The following DLGAP1 variants were observed in gnomAD, a reference collection of about 807,000 sequenced individuals.
DLGAP1 encodes disks large-associated protein 1.
In DLGAP1, 11 loss-of-function variants were observed where a neutral mutation model predicts 90.8. The ratio of observed to expected loss-of-function variants is 0.12; its 90% CI spans 0.08 to 0.20. DLGAP1 has a LOEUF of 0.20. Among genes scored for constraint, DLGAP1 ranks in the 10% least tolerant of loss-of-function variants. The probability of loss-of-function intolerance (pLI) is 1.00; values close to 1 mark genes in which losing one functional copy is unlikely to be tolerated. For missense variants in DLGAP1, 1,050 were observed against 1,333.8 expected (o/e 0.79, Z 3.31); for synonymous variants, 558 against 540.7 (o/e 1.03, Z -0.44).
intron 3 of DLGAP1, among the ~76,000 whole-genome samples, chr18:3,926,651 T>G (rs1310784800): frequency 6.6e-6 from 1 of 151,566 alleles, no homozygotes. Context: ...TATATATCTA[T>G]AGGTATAAAT....
intron 2 of DLGAP1, among the ~76,000 whole-genome samples, chr18:4,121,096 G>A (rs1230451591): frequency 6.6e-6 from 1 of 152,180 alleles, no homozygotes; most frequent in East Asian, 1.9e-4. Flanking sequence ...TAGAGTGGGG[G>A]TGCAAGTTGG....
At chr18:3,750,951 C>T (rs2063472296) in intron 5 of DLGAP1, among the ~76,000 whole-genome samples, 1 of 152,162 alleles carries the variant, frequency 6.6e-6, no homozygotes. Flanking sequence ...AGACTAAAGT[C>T]CTCCATCTGT....
At chr18:4,120,744 CTCCG>C (rs374993476) in intron 2 of DLGAP1, among the ~76,000 whole-genome samples, 99 of 151,820 alleles carry the variant, frequency 6.5e-4, no homozygotes, top group Middle Eastern at 3.4e-3. Context: ...TTCTCCCTCC[CTCCG>C]TCCTGCCATC....
intron 1 of DLGAP1, among the ~76,000 whole-genome samples, chr18:4,355,638 G>A (rs970202816): frequency 1.8e-4 from 27 of 151,504 alleles, no homozygotes; most frequent in Admixed American, 1.8e-3. Flanking sequence ...AGTGACTTCT[G>A]TAGATGGTGC....
chr18:3,694,030 A>C (rs2060993712), intron 7 of DLGAP1, among the ~76,000 whole-genome samples: 2 of 136,396 alleles, frequency 1.5e-5, no homozygotes, highest in African/African-American at 5.8e-5. Flanking sequence ...TCCCTCCCCT[A>C]GCCACCCCCC....
chr18:4,296,769 T>C (rs1254290832), intron 1 of DLGAP1, among the ~76,000 whole-genome samples: 1 of 152,232 alleles, frequency 6.6e-6, no homozygotes, highest in Non-Finnish European at 1.5e-5. Flanking sequence ...GGCCAGGCTA[T>C]TGCCATCAGA....
At chr18:4,352,897 A>G (rs1204664387) in intron 1 of DLGAP1, among the ~76,000 whole-genome samples, 1 of 152,178 alleles carries the variant, frequency 6.6e-6, no homozygotes, top group Non-Finnish European at 1.5e-5. Context: ...CTTGTGGAGC[A>G]CTGAGCACGT....
chr18:4,263,617 A>G (rs1162587013), intron 1 of DLGAP1, among the ~76,000 whole-genome samples: 2 of 152,224 alleles, frequency 1.3e-5, no homozygotes, highest in African/African-American at 4.8e-5. Context: ...GGCAAGGCCT[A>G]TGTCCTCCTC....
At chr18:3,892,696 A>T (rs1466581662) in intron 3 of DLGAP1, among the ~76,000 whole-genome samples, 1 of 152,036 alleles carries the variant, frequency 6.6e-6, no homozygotes, top group African/African-American at 2.4e-5. Flanking sequence ...ACCAAGTGAA[A>T]GCCTTTGGAA....
intron 3 of DLGAP1, among the ~76,000 whole-genome samples, chr18:4,003,481 C>A (rs2074239950): frequency 8.0e-6 from 1 of 125,466 alleles, no homozygotes; most frequent in African/African-American, 3.1e-5. Flanking sequence ...ATCTTGAAAG[C>A]ATTTGTTGTT....
chr18:4,259,781 T>G (rs1403554190), intron 1 of DLGAP1, among the ~76,000 whole-genome samples: 1 of 152,198 alleles, frequency 6.6e-6, no homozygotes, highest in African/African-American at 2.4e-5. Flanking sequence ...TTAGCTAATT[T>G]CAAGGGGTCT....
At chr18:4,352,170 CT>C (rs1162063049) in intron 1 of DLGAP1, among the ~76,000 whole-genome samples, 1 of 152,208 alleles carries the variant, frequency 6.6e-6, no homozygotes, top group African/African-American at 2.4e-5. Flanking sequence ...AGTTTTCTTT[CT>C]TCCCTTACTT....
intron 5 of DLGAP1, among the ~76,000 whole-genome samples, chr18:3,769,600 C>CCAGT (rs1452457984): frequency 6.6e-6 from 1 of 152,102 alleles, no homozygotes; most frequent in Non-Finnish European, 1.5e-5. Flanking sequence ...ATGAAGAAAG[C>CCAGT]CAGTCCCAAA....
intron 1 of DLGAP1, among the ~76,000 whole-genome samples, chr18:4,404,651 T>C (rs1408703085): frequency 6.6e-6 from 1 of 152,228 alleles, no homozygotes; most frequent in Non-Finnish European, 1.5e-5. Flanking sequence ...TTATTCTACA[T>C]AATTTTTTTC....
chr18:4,121,565 G>T (rs557533211), intron 2 of DLGAP1, among the ~76,000 whole-genome samples: 1 of 152,134 alleles, frequency 6.6e-6, no homozygotes, highest in East Asian at 1.9e-4. Context: ...CCTTCATCAA[G>T]AATCCTGTTA....
At chr18:3,832,502 A>G (rs1341000000) in intron 4 of DLGAP1, among the ~76,000 whole-genome samples, 3 of 152,184 alleles carry the variant, frequency 2.0e-5, no homozygotes, top group African/African-American at 7.2e-5. Flanking sequence ...GTTAGTAATT[A>G]TTCGTTTAGA....
rs566362459 is a variant in DLGAP1, at chr18:3,530,236, T to A, written c.2479+3958A>T. 9.9e-5 allele frequency among the ~76,000 whole-genome samples: 15 copies of A among 152,102 alleles called. No homozygotes were observed. In the East Asian group the frequency reaches 2.9e-3, roughly 29 times the overall value. ...GCCTGGGCAACACAGTGAGAATCTA[T>A]CTCTATAAAATTTTTTAAAAATTAG... is the stretch of plus-strand genomic sequence containing the variant. On this transcript the variant is annotated intron_variant, in intron 10 of 12. Transcript: ENST00000315677.
At chr18:3,578,776 T>G (rs1202352332) in intron 8 of DLGAP1, among the ~76,000 whole-genome samples, 1 of 151,992 alleles carries the variant, frequency 6.6e-6, no homozygotes, top group Non-Finnish European at 1.5e-5. Context: ...TTTTCCAACC[T>G]CTCTGTGCTC....
chr18:3,764,882 G>A (rs1252539960), intron 5 of DLGAP1, among the ~76,000 whole-genome samples: 1 of 152,114 alleles, frequency 6.6e-6, no homozygotes, highest in African/African-American at 2.4e-5. Context: ...GCTTAGGTGA[G>A]TGGCGTCAAC....
Sources: gnomAD v4.1 joint callset for allele counts (sites outside exome capture counted in the v4.1 genomes callset) on GRCh38, gnomAD v4.1.1 for gene constraint, MANE v1.5 for transcripts, NCBI Gene and HGNC (gene_info 2026-07-23, HGNC 2026-07-21) for gene names.